Variants in SIK3 observed in about 807,000 individuals in gnomAD.
The protein encoded by SIK3 is SIK family kinase 3, also known as serine/threonine-protein kinase SIK3.
A neutral mutation model predicts 144.2 loss-of-function variants in SIK3; 28 were observed. That is an observed-to-expected ratio of 0.19 (90% CI 0.14 to 0.27). The LOEUF is 0.27. SIK3 is among the 10% of genes least tolerant of loss of function. SIK3 has a pLI of 1.00. For missense variants in SIK3, 1,319 were observed against 1,776.0 expected (o/e 0.74, Z 4.62); for synonymous variants, 686 against 676.3 (o/e 1.01, Z -0.22).
At chr11:116,955,904 C>G (rs1440770080) in intron 2 of SIK3, among the ~76,000 whole-genome samples, 1 of 152,194 alleles carries the variant, frequency 6.6e-6, no homozygotes, top group Non-Finnish European at 1.5e-5. Context: ...ATGTTAATAT[C>G]ACAACATGTT....
chr11:116,921,143 T>C (rs542621274), intron 4 of SIK3, among the ~76,000 whole-genome samples: 4 of 152,294 alleles, frequency 2.6e-5, no homozygotes, highest in African/African-American at 9.6e-5. Flanking sequence ...TTTCCCAGCA[T>C]TGGGGTTCTC....
Position 116,861,284 on chromosome 11 carries a change from G to C in SIK3, c.2415C>G (p.Ile805Met). Reference sequence around the variant, plus strand: ...AACCTCTCCACTCACCGTGAGGCTGGATCATGGCACTGCTCATGGGGGGAG... The same window carrying C: ...AACCTCTCCACTCACCGTGAGGCTGCATCATGGCACTGCTCATGGGGGGAG... ...NSPPPMSSAM[I>M]QPHGAASSSQ... The change falls in exon 19 of 25, where the codon ATC (isoleucine) becomes ATG (methionine). Residue 805 changes from isoleucine to methionine, a missense_variant. Around this residue, in one of 8 missense-constraint regions of SIK3, gnomAD observed 646 missense variants for 763.7 expected, o/e 0.85. Transcript: ENST00000445177. The C allele has an allele frequency of 6.3e-6, 10 of 1,593,124 alleles. No individual in the cohort carries two copies. The highest frequency in any genetic ancestry group is 7.7e-6 in the Non-Finnish European group (9 of 1,173,084).
chr11:117,016,883 G>C (rs1951563881), intron 1 of SIK3, among the ~76,000 whole-genome samples: 1 of 152,024 alleles, frequency 6.6e-6, no homozygotes, highest in South Asian at 2.1e-4. Context: ...ACCAACAATA[G>C]AATGAAGAAA....
At chr11:116,996,819 C>CAAAAAAAA (rs11329513) in intron 1 of SIK3, among the ~76,000 whole-genome samples, 16 of 58,408 alleles carry the variant, frequency 2.7e-4, no homozygotes, top group South Asian at 1.7e-3. Context: ...GACTCTCTCT[C>CAAAAAAAA]AAAAAAAAAA....
At chr11:117,090,223 C>T (rs1054185091) in intron 1 of SIK3, among the ~76,000 whole-genome samples, 1 of 152,102 alleles carries the variant, frequency 6.6e-6, no homozygotes, top group Non-Finnish European at 1.5e-5. Context: ...TGTATGACTA[C>T]ATTATTATCC....
intron 1 of SIK3, among the ~76,000 whole-genome samples, chr11:117,010,407 G>A (rs561610092): frequency 1.3e-5 from 2 of 152,158 alleles, no homozygotes; most frequent in Non-Finnish European, 2.9e-5. Context: ...GGAGAGCACC[G>A]ATAAGCCAGG....
chr11:116,860,264 C>T (rs117833973), intron 19 of SIK3, among the ~76,000 whole-genome samples: 3,807 of 151,894 alleles, frequency 0.025, 88 homozygotes, highest in South Asian at 0.11. Context: ...AAAACAGACT[C>T]TAACAGGTCT....
chr11:117,031,687 ATTTT>A (rs57524562), intron 1 of SIK3, among the ~76,000 whole-genome samples: 12 of 81,530 alleles, frequency 1.5e-4, no homozygotes, highest in Admixed American at 4.4e-4. Flanking sequence ...CACCCGGCTA[ATTTT>A]TTTTTTTTTT....
chr11:116,888,586 C>T (rs576976765), intron 6 of SIK3, among the ~76,000 whole-genome samples: 1 of 152,300 alleles, frequency 6.6e-6, no homozygotes, highest in East Asian at 1.9e-4. Flanking sequence ...GGGATTTAGG[C>T]CTATGACATT....
chr11:116,946,812 T>C (rs1464944165), intron 3 of SIK3, among the ~76,000 whole-genome samples: 1 of 152,032 alleles, frequency 6.6e-6, no homozygotes, highest in Non-Finnish European at 1.5e-5. Context: ...CCTCTGCCAT[T>C]TTATTAATAT....
chr11:116,994,991 G>A (rs1388620678), intron 1 of SIK3, among the ~76,000 whole-genome samples: 3 of 151,616 alleles, frequency 2.0e-5, no homozygotes, highest in African/African-American at 4.8e-5. Context: ...GTCTCAGGCC[G>A]GGCATGGTGG....
At chr11:116,928,660 T>C (rs921330636) in intron 3 of SIK3, among the ~76,000 whole-genome samples, 1 of 152,126 alleles carries the variant, frequency 6.6e-6, no homozygotes, top group African/African-American at 2.4e-5. Flanking sequence ...GGGGAGAAGG[T>C]TGAAGAAGGG....
intron 3 of SIK3, among the ~76,000 whole-genome samples, chr11:116,947,190 T>TAA (rs1948669076): frequency 0.019 from 2,310 of 122,998 alleles, 12 homozygotes; most frequent in Non-Finnish European, 0.026. Context: ...ATATAATATA[T>TAA]TATATACAAA....
At chr11:117,080,634 C>G (rs977873747) in intron 1 of SIK3, among the ~76,000 whole-genome samples, 1 of 152,048 alleles carries the variant, frequency 6.6e-6, no homozygotes, top group South Asian at 2.1e-4. Context: ...AAACAACTTA[C>G]GTAAAATTTG....
chr11:116,945,487 A>T (rs1948547336), intron 3 of SIK3, among the ~76,000 whole-genome samples: 1 of 150,528 alleles, frequency 6.6e-6, no homozygotes, highest in Non-Finnish European at 1.5e-5. Flanking sequence ...GGCCTCCCAA[A>T]GTGCTGGGAT....
intron 12 of SIK3, 54 bp from the exon 13 acceptor site, chr11:116,873,690 G>T: frequency 6.6e-7 from 1 of 1,513,284 alleles, no homozygotes. Flanking sequence ...AAGGCGGGGA[G>T]AAAGGGGCAA....
chr11:116,876,494 G>A, intron 7 of SIK3, 131 bp from the exon 8 acceptor site: 1 of 734,920 alleles, frequency 1.4e-6, no homozygotes, highest in Non-Finnish European at 2.4e-6. Flanking sequence ...AAAGTCTAAG[G>A]AAGAGAGCCC....
At chr11:116,935,849 G>A (rs992901536) in intron 3 of SIK3, among the ~76,000 whole-genome samples, 6 of 152,226 alleles carry the variant, frequency 3.9e-5, no homozygotes, top group Admixed American at 3.3e-4. Context: ...TATGTAGCAT[G>A]AGATGGTAAC....
At chr11:116,857,702 TTC>T in intron 21 of SIK3, 106 bp downstream of exon 21, 1 of 1,461,744 alleles carries the variant, frequency 6.8e-7, no homozygotes, top group Admixed American at 2.8e-5. Flanking sequence ...AGCTCAGAAA[TTC>T]TTTTTTTCTT....
Sources: gnomAD v4.1 joint callset for allele counts (sites outside exome capture counted in the v4.1 genomes callset) on GRCh38, gnomAD v4.1.1 for gene constraint, gnomAD v4.1.1 regional missense constraint, MANE v1.5 for transcripts, NCBI Gene and HGNC (gene_info 2026-07-23, HGNC 2026-07-21) for gene names.